Variants in CADPS observed in about 807,000 individuals in gnomAD.
CADPS encodes calcium dependent secretion activator.
Under a neutral mutation model 167.3 loss-of-function variants are expected in CADPS, and 57 were observed. The ratio of observed to expected loss-of-function variants is 0.34; its 90% CI spans 0.28 to 0.42. The LOEUF is 0.42. Among genes scored for constraint, CADPS ranks in the 20% least tolerant of loss-of-function variants. The probability of loss-of-function intolerance (pLI) is 1.00; values close to 1 mark genes in which losing one functional copy is unlikely to be tolerated. For missense variants in CADPS, 1,414 were observed against 1,738.1 expected (o/e 0.81, Z 3.32); for synonymous variants, 676 against 635.3 (o/e 1.06, Z -0.96).
At chr3:62,404,922 T>C (rs993170516) in intron 28 of CADPS, 3 of 151,744 alleles carry the variant, frequency 2.0e-5, no homozygotes, top group Non-Finnish European at 4.4e-5. Flanking sequence ...TGTTAATGGT[T>C]GTTGGGGGGT....
chr3:62,490,441 C>CTT (rs1203529479), intron 21 of CADPS, among the ~76,000 whole-genome samples: 1 of 152,164 alleles, frequency 6.6e-6, no homozygotes, highest in Non-Finnish European at 1.5e-5. Flanking sequence ...AAAGGGGAGT[C>CTT]TGAGACTGAC....
chr3:62,562,769 C>T lies in CADPS; in HGVS notation c.1645-5256G>A, dbSNP rs1253666233. Reference sequence around the variant, plus strand: ...GGTTTGTGTGGGAGTAACTGCACATCTAGCTGGAAGTAGGGTGAGTAAAAC... The same window carrying T: ...GGTTTGTGTGGGAGTAACTGCACATTTAGCTGGAAGTAGGGTGAGTAAAAC... On this transcript the variant is annotated intron_variant, in intron 9 of 29. Transcript: ENST00000383710. Among the ~76,000 whole-genome samples the T allele has an allele frequency of 3.9e-5, 6 of 152,216 alleles. 1 individual carries two copies. The highest frequency in any genetic ancestry group is 2.0e-4 in the Admixed American group (3 of 15,286).
chr3:62,597,443 A>G lies in CADPS; in HGVS notation c.1326-4695T>C, dbSNP rs140920089. On this transcript the variant is annotated intron_variant, in intron 6 of 29. Transcript: ENST00000383710. ...AGAAAGATTTCTGCTGGAAACCAAA[A>G]GAGTTCTGAAATGAGAAGCTTTAAC... 1.5e-4 allele frequency among the ~76,000 whole-genome samples: 23 copies of G among 152,360 alleles called. No homozygotes were observed. The East Asian group carries it at 4.4e-3, about 29-fold the overall frequency.
At position 62,474,675 on chromosome 3, in the gene CADPS, C is replaced by T. The variant is rs1030037237; in HGVS notation, c.3330-355G>A. Among the ~76,000 whole-genome samples the T allele has an allele frequency of 2.0e-5, 3 of 152,162 alleles. No homozygotes were observed. In the East Asian group the frequency reaches 5.8e-4, roughly 29 times the overall value. On this transcript the variant is annotated intron_variant, in intron 23 of 29. Transcript: ENST00000383710. Reference sequence around the variant, plus strand: ...TAAGTTCTCTCACATTGGCAACTGCCTACCTTGAATTACTTCATTAATAAA... The same window carrying T: ...TAAGTTCTCTCACATTGGCAACTGCTTACCTTGAATTACTTCATTAATAAA...
At chr3:62,816,621 G>A (rs144527321) in intron 1 of CADPS, among the ~76,000 whole-genome samples, 96 of 151,624 alleles carry the variant, frequency 6.3e-4, no homozygotes, top group Middle Eastern at 3.4e-3. Context: ...GCTAAATGAA[G>A]CCTTCCCAGC....
At chr3:62,806,982 A>C (rs2094134727) in intron 1 of CADPS, among the ~76,000 whole-genome samples, 1 of 152,180 alleles carries the variant, frequency 6.6e-6, no homozygotes, top group Non-Finnish European at 1.5e-5. Flanking sequence ...TCGCTTTTTA[A>C]AATCAAGGGC....
At chr3:62,592,225 TTTA>T (rs2086213753) in intron 7 of CADPS, among the ~76,000 whole-genome samples, 1 of 152,202 alleles carries the variant, frequency 6.6e-6, no homozygotes, top group Non-Finnish European at 1.5e-5. Context: ...TTTGAAGTTT[TTTA>T]TTATTAATTT....
At chr3:62,573,048 AT>A (rs1207065766) in intron 8 of CADPS, among the ~76,000 whole-genome samples, 2 of 151,992 alleles carry the variant, frequency 1.3e-5, no homozygotes, top group Non-Finnish European at 2.9e-5. Context: ...TGTCCGGCTA[AT>A]TTTTGTATTT....
chr3:62,785,354 G>C (rs13059300), intron 1 of CADPS, among the ~76,000 whole-genome samples: 54,044 of 151,956 alleles, frequency 0.36, 11,426 homozygotes, highest in East Asian at 0.83. Context: ...CAACCTCCTA[G>C]CACTGTGAGA....
At chr3:62,604,116 C>T (rs1036323241) in intron 6 of CADPS, among the ~76,000 whole-genome samples, 3 of 152,108 alleles carry the variant, frequency 2.0e-5, no homozygotes, top group African/African-American at 4.8e-5. Flanking sequence ...AGGTGTGAGC[C>T]ACCTCACCCG....
intron 1 of CADPS, among the ~76,000 whole-genome samples, chr3:62,812,030 A>G (rs1020203477): frequency 6.6e-6 from 1 of 152,280 alleles, no homozygotes; most frequent in Non-Finnish European, 1.5e-5. Flanking sequence ...ATAAAATCAA[A>G]TTACATTAAA....
chr3:62,482,853 A>T (rs1284103973), intron 21 of CADPS, among the ~76,000 whole-genome samples: 1 of 152,220 alleles, frequency 6.6e-6, no homozygotes, highest in Admixed American at 6.5e-5. Flanking sequence ...GTGACTAAAA[A>T]GTTAAAAATG....
At position 62,544,737 on chromosome 3, in the gene CADPS, TA is replaced by T; in HGVS notation, c.1966+5165del. On this transcript the variant is annotated intron_variant, in intron 11 of 29. Coordinates refer to ENST00000383710, the MANE Select transcript of CADPS (RefSeq NM_003716.4). The surrounding 1 kb of genome is among the most constrained non-coding windows in gnomAD (Gnocchi z 4.4). ...GTCAGGAAAATAACATGAAAAGTTG[TA>T]CTACAAATTCTAGACATGAGGAAGA... The T allele has an allele frequency of 1.3e-5, 5 of 377,686 alleles. No individual in the cohort carries two copies. The highest frequency in any genetic ancestry group is 1.9e-5 in the Non-Finnish European group (5 of 257,770). 23.4% of individuals were successfully genotyped at this position (377,686 alleles called of 1,614,324 possible).
Position 62,423,039 on chromosome 3 carries a change from T to G in CADPS, c.3777+15065A>C, listed in dbSNP as rs142969773. On this transcript the variant is annotated intron_variant, in intron 28 of 29. Coordinates refer to ENST00000383710, the MANE Select transcript of CADPS (RefSeq NM_003716.4). ...AGATCTTAGAACACAGAGGGAGAGA[T>G]AGACTGAAAGCTGAGACCTACCCCT... Among the ~76,000 whole-genome samples, 3 of 152,348 alleles carry G rather than the reference T, an allele frequency of 2.0e-5. No individual in the cohort carries two copies. In the East Asian group the frequency reaches 5.8e-4, roughly 29 times the overall value.
chr3:62,641,278 C>G (rs1249708972), intron 6 of CADPS, among the ~76,000 whole-genome samples: 5 of 152,112 alleles, frequency 3.3e-5, no homozygotes, highest in African/African-American at 1.2e-4. Flanking sequence ...TAATGACCTA[C>G]TAGCATCGAA....
In CADPS at chr3:62,455,204, C is replaced by T. The variant is rs2058551630; in HGVS notation, c.3637-9407G>A. On this transcript the variant is annotated intron_variant, in intron 26 of 29. Coordinates refer to ENST00000383710, the MANE Select transcript of CADPS (RefSeq NM_003716.4). The surrounding 1 kb of genome is among the most constrained non-coding windows in gnomAD (Gnocchi z 4.4). The stretch of plus-strand genomic sequence containing the variant: ...GTTTTTCCTTCCAGTTTTCCTTTTC[C>T]TCATTTCTGTCCCAATCCCTCATTC... Among the ~76,000 whole-genome samples, 1 of 146,620 alleles carries T rather than the reference C, an allele frequency of 6.8e-6. No homozygotes were observed. The highest frequency in any genetic ancestry group is 1.5e-5 in the Non-Finnish European group (1 of 67,350).
chr3:62,803,908 C>G (rs1032373085), intron 1 of CADPS, among the ~76,000 whole-genome samples: 1 of 152,006 alleles, frequency 6.6e-6, no homozygotes. Flanking sequence ...CTTTTCCCTC[C>G]GTGGGGCCTT....
chr3:62,795,358 T>A (rs903223603), intron 1 of CADPS, among the ~76,000 whole-genome samples: 1 of 152,138 alleles, frequency 6.6e-6, no homozygotes, highest in African/African-American at 2.4e-5. Context: ...AAAAAAATAC[T>A]CTTGTTAGCA....
chr3:62,578,175 A>G (rs866739), intron 8 of CADPS, among the ~76,000 whole-genome samples: 71,786 of 144,418 alleles, frequency 0.5, 19,864 homozygotes, highest in East Asian at 0.72. Flanking sequence ...AAAAAGATTT[A>G]CCATGCTAAC....
Sources: gnomAD v4.1 joint callset for allele counts (sites outside exome capture counted in the v4.1 genomes callset) on GRCh38, gnomAD v4.1.1 for gene constraint, Gnocchi (gnomAD v3.1) non-coding constraint, MANE v1.5 for transcripts, NCBI Gene and HGNC (gene_info 2026-07-23, HGNC 2026-07-21) for gene names.